RYR3: variants seen among roughly 807,000 people sequenced by gnomAD.
RYR3 encodes the protein brain ryanodine receptor-calcium release channel.
A neutral mutation model predicts 584.3 loss-of-function variants in RYR3; 207 were observed. That is an observed-to-expected ratio of 0.35 (90% CI 0.32 to 0.40). The LOEUF (loss-of-function observed/expected upper bound fraction) is 0.40. Ranked by LOEUF, RYR3 falls within the 10% of genes least tolerant of loss-of-function variation. The pLI is 1.00. For missense variants in RYR3, 5,616 were observed against 6,089.2 expected (o/e 0.92, Z 2.59); for synonymous variants, 2,416 against 2,248.5 (o/e 1.07, Z -2.11).
At chr15:33,451,073 G>T (rs1445140478) in intron 1 of RYR3, among the ~76,000 whole-genome samples, 1 of 152,198 alleles carries the variant, frequency 6.6e-6, no homozygotes, top group Non-Finnish European at 1.5e-5. Context: ...CTACCACTGT[G>T]TAGCTTTGGG....
At chr15:33,386,904 C>A (rs988060839) in intron 1 of RYR3, among the ~76,000 whole-genome samples, 2 of 151,970 alleles carry the variant, frequency 1.3e-5, no homozygotes, top group African/African-American at 4.8e-5. Flanking sequence ...GTCGCCCGGG[C>A]TGGAGTGCAG....
At chr15:33,324,324 G>A (rs1007915082) in intron 1 of RYR3, among the ~76,000 whole-genome samples, 1 of 152,134 alleles carries the variant, frequency 6.6e-6, no homozygotes, top group Non-Finnish European at 1.5e-5. Context: ...GTATCTTCTG[G>A]GGAAATGGGG....
chr15:33,473,440 T>C lies in RYR3; in HGVS notation c.73T>C (p.Cys25Arg), dbSNP rs753918907. Residue 25 changes from cysteine to arginine, a missense_variant, in exon 2 of 104, where the codon TGC becomes CGC. Coordinates refer to ENST00000634891, the MANE Select transcript of RYR3 (RefSeq NM_001036.6). ...LRTEDEVVLQ[C>R]IATIHKEQRK... The stretch of plus-strand genomic sequence containing the variant: ...GCAGGAGGATGAAGTGGTACTCCAG[T>C]GCATCGCCACCATTCATAAGGAGCA... 2.5e-6 allele frequency: 4 copies of C among 1,613,942 alleles called. No individual in the cohort carries two copies. In the Admixed American group the frequency reaches 6.7e-5, roughly 27 times the overall value.
chr15:33,850,110 A>ATG (rs1459373044), intron 94 of RYR3: 3 of 152,104 alleles, frequency 2.0e-5, no homozygotes, highest in African/African-American at 4.8e-5. Context: ...GCCAGGCACA[A>ATG]TGGTTCATGC....
intron 12 of RYR3, among the ~76,000 whole-genome samples, chr15:33,568,485 T>G (rs548540729): frequency 7.2e-5 from 11 of 152,300 alleles, no homozygotes; most frequent in Admixed American, 6.5e-4. Flanking sequence ...GTTTTTTTTT[T>G]GTTTGAGATA....
At chr15:33,478,822 A>G (rs1409584531) in intron 2 of RYR3, among the ~76,000 whole-genome samples, 1 of 152,170 alleles carries the variant, frequency 6.6e-6, no homozygotes, top group Non-Finnish European at 1.5e-5. Context: ...TATGAGAACT[A>G]TTTTTTGTTT....
chr15:33,763,897 A>ACAAAAAAAAAAAAAAG (rs1299044732), intron 60 of RYR3, among the ~76,000 whole-genome samples: 1 of 125,330 alleles, frequency 8.0e-6, no homozygotes, highest in African/African-American at 3.7e-5. Flanking sequence ...CATCTCAAAA[A>ACAAAAAAAAAAAAAAG]AAAAAAAAAA....
At chr15:33,407,210 C>A (rs752253977) in intron 1 of RYR3, among the ~76,000 whole-genome samples, 1 of 152,156 alleles carries the variant, frequency 6.6e-6, no homozygotes, top group Non-Finnish European at 1.5e-5. Flanking sequence ...CTTAAAGGCC[C>A]CACCTCTTAA....
At chr15:33,717,351 G>A (rs998409348) in intron 43 of RYR3, among the ~76,000 whole-genome samples, 4 of 152,050 alleles carry the variant, frequency 2.6e-5, no homozygotes, top group Non-Finnish European at 5.9e-5. Flanking sequence ...CCCAAAACCC[G>A]TTCTTCCCCG....
chr15:33,407,444 A>G (rs1358295802), intron 1 of RYR3, among the ~76,000 whole-genome samples: 14 of 152,154 alleles, frequency 9.2e-5, no homozygotes, highest in Non-Finnish European at 4.4e-5. Flanking sequence ...GGCAGCAGGA[A>G]CAGGAAGTCC....
At chr15:33,372,123 C>T (rs2040375749) in intron 1 of RYR3, among the ~76,000 whole-genome samples, 1 of 152,166 alleles carries the variant, frequency 6.6e-6, no homozygotes, top group African/African-American at 2.4e-5. Flanking sequence ...CACAGCACTG[C>T]TGTGAAGGAG....
chr15:33,606,860 AG>A (rs2059933836), intron 18 of RYR3, among the ~76,000 whole-genome samples: 2 of 152,286 alleles, frequency 1.3e-5, no homozygotes, highest in South Asian at 4.2e-4. Context: ...AATAAGCAAA[AG>A]AATTGACCAT....
chr15:33,565,287 A>C (rs1011865600), intron 11 of RYR3, among the ~76,000 whole-genome samples: 3 of 152,240 alleles, frequency 2.0e-5, no homozygotes, highest in Admixed American at 6.5e-5. Flanking sequence ...TGTATTGCTA[A>C]ACCCAAATGC....
At chr15:33,584,885 G>A (rs659538) in intron 15 of RYR3, among the ~76,000 whole-genome samples, 151,807 of 151,810 alleles carry the variant, frequency 1, 75,902 homozygotes, top group Middle Eastern at 1. Context: ...TATTTCTTAC[G>A]GTCTAAAAGC....
intron 27 of RYR3, among the ~76,000 whole-genome samples, chr15:33,643,776 A>G (rs969500427): frequency 1.3e-5 from 2 of 152,224 alleles, no homozygotes; most frequent in Non-Finnish European, 2.9e-5. Context: ...TTTAAGGTAT[A>G]CAACGTGATG....
At chr15:33,696,558 A>G in intron 39 of RYR3, 67 bp downstream of exon 39, 1 of 1,440,152 alleles carries the variant, frequency 6.9e-7, no homozygotes, top group East Asian at 2.3e-5. Context: ...ACTTACCTTG[A>G]TATAGAGATA....
chr15:33,748,139 C>T lies in RYR3; in HGVS notation c.8015C>T (p.Ala2672Val), dbSNP rs901629823. 26 of 1,613,618 alleles carry T rather than the reference C, an allele frequency of 1.6e-5. No individual in the cohort carries two copies. Among genetic ancestry groups the T allele is most frequent in the African/African-American group, 1.2e-4 (9 of 74,910 alleles). Reference protein sequence around the residue: ...EKEKEIYRWPARESLKTMLAV... With the variant: ...EKEKEIYRWPVRESLKTMLAV... Reference sequence around the variant, plus strand: ...GAGAAGGAAATTTATCGCTGGCCTGCGCGAGAGTCCCTGAAAACCATGCTG... The same window carrying T: ...GAGAAGGAAATTTATCGCTGGCCTGTGCGAGAGTCCCTGAAAACCATGCTG... The change falls in exon 54 of 104, where the codon GCG becomes GTG. Residue 2672 changes from alanine to valine, a missense_variant. Around this residue, in one of 9 missense-constraint regions of RYR3, gnomAD observed 1,280 missense variants for 1,426.2 expected, o/e 0.90. Transcript: ENST00000634891.
chr15:33,679,458 G>A (rs1039640034), intron 38 of RYR3, among the ~76,000 whole-genome samples: 5 of 152,110 alleles, frequency 3.3e-5, no homozygotes, highest in Non-Finnish European at 7.4e-5. Context: ...ATTAAAATGT[G>A]GTGGTAAAAT....
intron 102 of RYR3, among the ~76,000 whole-genome samples, chr15:33,863,230 G>A (rs1315256109): frequency 6.6e-6 from 1 of 152,194 alleles, no homozygotes; most frequent in Admixed American, 6.5e-5. Context: ...TTAAATAAAT[G>A]TGCTGGGCAA....
Sources: gnomAD v4.1 joint callset for allele counts (sites outside exome capture counted in the v4.1 genomes callset) on GRCh38, gnomAD v4.1.1 for gene constraint, gnomAD v4.1.1 regional missense constraint, MANE v1.5 for transcripts, NCBI Gene and HGNC (gene_info 2026-07-23, HGNC 2026-07-21) for gene names.